The following ANK3 variants were observed in gnomAD, a reference collection of about 807,000 sequenced individuals.
ANK3 encodes ankyrin-3.
A neutral mutation model predicts 370.9 loss-of-function variants in ANK3; 57 were observed. The observed-to-expected ratio is 0.15, with a 90% confidence interval of 0.12 to 0.19. The LOEUF (loss-of-function observed/expected upper bound fraction) is 0.19. Among genes scored for constraint, ANK3 ranks in the 10% least tolerant of loss-of-function variants. The pLI is 1.00. For missense variants in ANK3, 4,439 were observed against 5,302.1 expected, an observed-to-expected ratio of 0.84 and a Z score of 5.06; for synonymous variants, 1,929 against 1,946.3, an observed-to-expected ratio of 0.99 and a Z score of 0.23.
At chr10:60,579,250 G>A (rs1019151105) in intron 2 of ANK3, among the ~76,000 whole-genome samples, 1 of 150,348 alleles carries the variant, frequency 6.7e-6, no homozygotes, top group Non-Finnish European at 1.5e-5. Flanking sequence ...GCTTGAACCT[G>A]GGAGGCGGAG....
chr10:60,467,220 C>T (rs890044723), intron 2 of ANK3, among the ~76,000 whole-genome samples: 2 of 152,088 alleles, frequency 1.3e-5, no homozygotes, highest in South Asian at 2.1e-4. Flanking sequence ...AGCTTACTAC[C>T]CCTATGAAAC....
intron 21 of ANK3, among the ~76,000 whole-genome samples, chr10:60,171,172 A>C (rs2095782328): frequency 6.6e-6 from 1 of 152,208 alleles, no homozygotes; most frequent in Non-Finnish European, 1.5e-5. Context: ...AACATGTGGA[A>C]ATTTCTCTCT....
chr10:60,467,395 C>A (rs1362884770), intron 2 of ANK3, among the ~76,000 whole-genome samples: 1 of 152,098 alleles, frequency 6.6e-6, no homozygotes, highest in East Asian at 1.9e-4. Flanking sequence ...AATTATTCCA[C>A]CAACGCTTAT....
intron 8 of ANK3, among the ~76,000 whole-genome samples, chr10:60,226,524 T>TAGTATATATACTATAGTATATATAC (rs2097156032): frequency 1.8e-5 from 1 of 56,996 alleles, no homozygotes; most frequent in Non-Finnish European, 2.8e-5. Context: ...GTATATATAC[T>TAGTATATATACTATAGTATATATAC]ATAGTATATA....
intron 2 of ANK3, among the ~76,000 whole-genome samples, chr10:60,519,109 G>C (rs2076291013): frequency 2.0e-5 from 3 of 152,128 alleles, no homozygotes; most frequent in Admixed American, 6.5e-5. Context: ...TAAAAAGTAG[G>C]AAGAATAAAG....
intron 1 of ANK3, among the ~76,000 whole-genome samples, chr10:60,283,096 C>T (rs1381331780): frequency 3.3e-5 from 5 of 152,180 alleles, no homozygotes; most frequent in South Asian, 2.1e-4. Flanking sequence ...GACTTATTTG[C>T]TTTCATTTCA....
intron 1 of ANK3, among the ~76,000 whole-genome samples, chr10:60,635,132 G>C (rs973086766): frequency 3.3e-5 from 5 of 152,048 alleles, no homozygotes; most frequent in African/African-American, 1.2e-4. Flanking sequence ...AATGATTCAG[G>C]AGTTAAACTT....
At chr10:60,522,210 C>G (rs2076363292) in intron 2 of ANK3, among the ~76,000 whole-genome samples, 1 of 152,024 alleles carries the variant, frequency 6.6e-6, no homozygotes, top group Non-Finnish European at 1.5e-5. Context: ...CTGCCTCAAC[C>G]CACAAGCGCC....
chr10:60,288,443 A>G (rs977219366), intron 1 of ANK3, among the ~76,000 whole-genome samples: 1 of 152,166 alleles, frequency 6.6e-6, no homozygotes, highest in East Asian at 1.9e-4. Context: ...AGAAGTTCAT[A>G]AAGTCAGAGA....
Position 60,293,829 on chromosome 10 carries a change from G to A in ANK3, c.115-14190C>T, listed in dbSNP as rs79006167. Among the ~76,000 whole-genome samples, 595 of 152,266 alleles carry A rather than the reference G, an allele frequency of 3.9e-3. 3 individuals are homozygous for A. Among genetic ancestry groups the A allele is most frequent in the African/African-American group, 0.013 (544 of 41,546 alleles). On this transcript the variant is annotated intron_variant, in intron 1 of 43. Coordinates refer to ENST00000280772, the MANE Select transcript of ANK3 (RefSeq NM_020987.5). ...CACAAACTGCTGAGTCCCTTAGAGA[G>A]GTACCTCATAATACTGAGATATTGC...
intron 1 of ANK3, among the ~76,000 whole-genome samples, chr10:60,626,366 A>T (rs950098176): frequency 6.6e-6 from 1 of 152,162 alleles, no homozygotes; most frequent in Non-Finnish European, 1.5e-5. Context: ...TCTAATAACA[A>T]CTATAATTTT....
At chr10:60,540,979 C>T (rs1025093653) in intron 2 of ANK3, among the ~76,000 whole-genome samples, 2 of 151,484 alleles carry the variant, frequency 1.3e-5, no homozygotes, top group African/African-American at 4.8e-5. Context: ...TTGGAAATAA[C>T]AAATATATAT....
At chr10:60,184,224 G>A (rs2096270438) in intron 17 of ANK3, among the ~76,000 whole-genome samples, 2 of 152,186 alleles carry the variant, frequency 1.3e-5, no homozygotes, top group African/African-American at 4.8e-5. Context: ...AAGAGGGAAA[G>A]GTAGGCAGGA....
chr10:60,298,402 A>G (rs2042984392), intron 1 of ANK3, among the ~76,000 whole-genome samples: 1 of 152,210 alleles, frequency 6.6e-6, no homozygotes, highest in South Asian at 2.1e-4. Flanking sequence ...TCCATAGTTC[A>G]GCTCATGCAG....
chr10:60,680,806 C>T (rs1373090455), intron 1 of ANK3, among the ~76,000 whole-genome samples: 1 of 152,146 alleles, frequency 6.6e-6, no homozygotes, highest in Admixed American at 6.5e-5. Flanking sequence ...AATTCTGGCT[C>T]TACCAGTTTC....
intron 1 of ANK3, among the ~76,000 whole-genome samples, chr10:60,694,103 C>A (rs1389168991): frequency 1.3e-5 from 2 of 151,816 alleles, no homozygotes; most frequent in African/African-American, 2.4e-5. Context: ...GTGAAGAATG[C>A]AGAAGCCTCA....
chr10:60,400,024 GT>G (rs2132900203), intron 2 of ANK3, among the ~76,000 whole-genome samples: 1 of 62,364 alleles, frequency 1.6e-5, no homozygotes, highest in South Asian at 6.9e-4. Flanking sequence ...GTGTGTGTGT[GT>G]GTGTGTGTGT....
At position 60,262,161 on chromosome 10, in the gene ANK3, G is replaced by A. The variant is rs1438256171; in HGVS notation, c.700-204C>T. ...ACTTACAGGCAGAAGAATAGCCAGG[G>A]AGGAACCAAGGGTGGAGACTGAGCA... is the stretch of plus-strand genomic sequence containing the variant. On this transcript the variant is annotated intron_variant, in intron 6 of 43. Coordinates refer to ENST00000280772, the MANE Select transcript of ANK3 (RefSeq NM_020987.5). Among the ~76,000 whole-genome samples, 5 of 152,306 alleles carry A rather than the reference G, an allele frequency of 3.3e-5. No homozygotes were observed. In the East Asian group the frequency reaches 5.8e-4, roughly 18 times the overall value.
intron 16 of ANK3, among the ~76,000 whole-genome samples, chr10:60,195,388 C>CAAAAAAA (rs1320105561): frequency 1.4e-5 from 1 of 71,782 alleles, no homozygotes. Context: ...CGTCTCCCTC[C>CAAAAAAA]AAAAAAAAAA....
Sources: allele counts gnomAD v4.1 joint callset (sites outside exome capture counted in the v4.1 genomes callset), GRCh38; gene constraint gnomAD v4.1.1; transcripts MANE v1.5; gene names NCBI Gene and HGNC (gene_info 2026-07-23, HGNC 2026-07-21).